The following CHURC1 variants were observed in gnomAD, a reference collection of about 807,000 sequenced individuals.
The protein encoded by CHURC1 is churchill domain containing 1, also known as protein Churchill.
Under a neutral mutation model 15.4 loss-of-function variants are expected in CHURC1, and 12 were observed. The ratio of observed to expected loss-of-function variants is 0.78; its 90% CI spans 0.50 to 1.27. The LOEUF (loss-of-function observed/expected upper bound fraction) is 1.27, where lower values mean the gene tolerates loss of function less well. Among genes scored for constraint, CHURC1 ranks in the 50% most tolerant of loss-of-function variants. The pLI is 0.00. For synonymous variants in CHURC1, 42 were observed against 47.5 expected (o/e 0.88, Z 0.48); for missense variants, 132 against 137.8 (o/e 0.96, Z 0.21).
intron 2 of CHURC1, among the ~76,000 whole-genome samples, chr14:64,925,696 C>CAAAAAA (rs3033506): frequency 0.029 from 1,885 of 65,726 alleles, 118 homozygotes; most frequent in South Asian, 0.097. Context: ...GACCCGGCCT[C>CAAAAAA]AAAAAAAAAA....
At position 64,935,053 on chromosome 14, in the gene CHURC1, A is replaced by G; in HGVS notation, c.*2823A>G. On this transcript the variant is annotated 3_prime_UTR_variant, in exon 4 of 4. Transcript: ENST00000549115. ...GAATTAGGGACATGGATGAAATTGG[A>G]AATCTTCATTCTCAGTAAACTATCG... The G allele has an allele frequency of 1.1e-6, 1 of 942,614 alleles. No individual in the cohort carries two copies. The highest frequency in any genetic ancestry group is 1.3e-6 in the Non-Finnish European group (1 of 791,202). The allele number at this position is 942,614 out of a possible 1,614,324, so 58.4% of individuals were successfully genotyped here.
chr14:64,914,614 C>T, intron 1 of CHURC1, 80 bp downstream of exon 1: 1 of 1,598,442 alleles, frequency 6.3e-7, no homozygotes, highest in Middle Eastern at 1.7e-4. Flanking sequence ...CCAGAGAGGC[C>T]GTACGTGGGG....
At chr14:64,926,170 G>T in intron 3 of CHURC1, 90 bp downstream of exon 3, 3 of 722,622 alleles carry the variant, frequency 4.2e-6, no homozygotes, top group Non-Finnish European at 6.3e-6. Context: ...GTTTTCATAA[G>T]TGAAGTGCAA....
At position 64,927,996 on chromosome 14, in the gene CHURC1, T is replaced by G. The variant is rs376105568; in HGVS notation, c.246+1916T>G. 3.3e-5 allele frequency among the ~76,000 whole-genome samples: 5 copies of G among 152,032 alleles called. No homozygotes were observed. The East Asian group carries it at 5.8e-4, about 18-fold the overall frequency. On this transcript the variant is annotated intron_variant, in intron 3 of 3. Coordinates refer to ENST00000549115, the MANE Select transcript of CHURC1 (RefSeq NM_001386928.1). ...ACAGTACAATATCCAAGCTCCTCAT[T>G]TCAAGGTTCTCACTGGACTGGCCCA...
rs537641757 is a variant in CHURC1 at position 64,914,626 on chromosome 14, G to A, written c.39+92G>A. 1.4e-4 allele frequency: 222 copies of A among 1,587,102 alleles called. No homozygotes were observed. The African/African-American group carries it at 2.6e-3, about 19-fold the overall frequency. ...TTCCCAGAGAGGCCGTACGTGGGGC[G>A]GACTCGGCCGCACTGCCGGTCCCGG... is the stretch of plus-strand genomic sequence containing the variant. On this transcript the variant is annotated intron_variant, in intron 1 of 3. Coordinates refer to ENST00000549115, the MANE Select transcript of CHURC1 (RefSeq NM_001386928.1).
chr14:64,920,672 T>G (rs1210249782), intron 1 of CHURC1, among the ~76,000 whole-genome samples: 1 of 152,272 alleles, frequency 6.6e-6, no homozygotes, highest in Non-Finnish European at 1.5e-5. Context: ...ATGGTCAGAT[T>G]ACAGAGGCTA....
At chr14:64,916,503 CAT>C (rs1473402447) in intron 1 of CHURC1, among the ~76,000 whole-genome samples, 3 of 152,152 alleles carry the variant, frequency 2.0e-5, no homozygotes, top group Non-Finnish European at 4.4e-5. Flanking sequence ...CAGTAATAAA[CAT>C]GAGCTATTAT....
At chr14:64,921,868 C>T (rs189235041) in intron 1 of CHURC1, among the ~76,000 whole-genome samples, 4 of 152,294 alleles carry the variant, frequency 2.6e-5, no homozygotes, top group Admixed American at 2.6e-4. Context: ...TTCATAATAG[C>T]CCCAAATGGA....
rs748019788 is a variant in CHURC1 at position 64,926,025 on chromosome 14, GTCA to G, written c.196_198del (p.His66del). 2 of 1,597,540 alleles carry G rather than the reference GTCA, an allele frequency of 1.3e-6. No individual in the cohort carries two copies. The highest frequency in any genetic ancestry group is 1.3e-5 in the African/African-American group (1 of 74,198). Reference sequence around the variant, plus strand: ...GTTTTAGCAGATTTGTGTAAGAATTGTCATCATGTAATAGCCAGACATGAGTAT... The same window carrying G: ...GTTTTAGCAGATTTGTGTAAGAATTGTCATGTAATAGCCAGACATGAGTAT... On this transcript the variant is annotated inframe_deletion, in exon 3 of 4. Transcript: ENST00000549115.
In CHURC1 at chr14:64,934,542, T is replaced by C. The variant is rs1385656217; in HGVS notation, c.*2312T>C. The stretch of plus-strand genomic sequence containing the variant: ...GGCATCTGGGCATGTCAGATGAAGA[T>C]TTATTATTCAGAAAAGTTAAGTCAG... On this transcript the variant is annotated 3_prime_UTR_variant, in exon 4 of 4. Coordinates refer to ENST00000549115, the MANE Select transcript of CHURC1 (RefSeq NM_001386928.1). The C allele has an allele frequency of 8.9e-5, 88 of 985,310 alleles. No individual in the cohort carries two copies. The highest frequency in any genetic ancestry group is 9.9e-5 in the Non-Finnish European group (82 of 829,928). 61.0% of individuals were successfully genotyped at this position (985,310 alleles called of 1,614,324 possible). A position where few individuals can be genotyped will look rare whatever the true frequency, so the allele number is the denominator to read the frequency against.
chr14:64,918,991 GGGCTCT>G (rs1884086775), intron 1 of CHURC1, among the ~76,000 whole-genome samples: 1 of 152,092 alleles, frequency 6.6e-6, no homozygotes, highest in Non-Finnish European at 1.5e-5. Flanking sequence ...ATTCTTAATG[GGGCTCT>G]GGCCTACTTG....
intron 1 of CHURC1, among the ~76,000 whole-genome samples, chr14:64,917,392 G>A (rs1335786401): frequency 6.6e-6 from 1 of 152,140 alleles, no homozygotes; most frequent in Non-Finnish European, 1.5e-5. Flanking sequence ...GCGAAACCCC[G>A]TCTCTACTAA....
rs1884526491 is a variant in CHURC1 at position 64,924,251 on chromosome 14, G to A, written c.175+125G>A. The A allele has an allele frequency of 3.5e-6, 4 of 1,147,994 alleles. No individual in the cohort carries two copies. In the South Asian group the frequency reaches 1.3e-4, roughly 36 times the overall value. 71.1% of individuals were successfully genotyped at this position (1,147,994 alleles called of 1,614,324 possible). A position where few individuals can be genotyped will look rare whatever the true frequency, so the allele number is the denominator to read the frequency against. On this transcript the variant is annotated intron_variant, in intron 2 of 3. Transcript: ENST00000549115. The stretch of plus-strand genomic sequence containing the variant: ...TATTGCGCACATAATTACTAGTTAG[G>A]TCTTTAAGAGGAAAATGTCATTAAC...
rs931854438 is a variant in CHURC1 at position 64,917,572 on chromosome 14, TAAAC to T, written c.39+3046_39+3049del. Among the ~76,000 whole-genome samples the T allele has an allele frequency of 9.9e-5, 15 of 151,454 alleles. 1 individual carries two copies. The highest frequency in any genetic ancestry group is 2.2e-4 in the African/African-American group (9 of 41,224). On this transcript the variant is annotated intron_variant, in intron 1 of 3. Transcript: ENST00000549115. ...GAGCAAAACTCCGTCTCAAAACAAA[TAAAC>T]AAACAAAAAAAAACCACCACAAATA...
chr14:64,930,603 C>G (rs1885028229), intron 3 of CHURC1, among the ~76,000 whole-genome samples: 1 of 152,098 alleles, frequency 6.6e-6, no homozygotes, highest in Admixed American at 6.5e-5. Context: ...AGGTTTTTTC[C>G]CCCTCCCAAG....
In CHURC1 at chr14:64,932,289, G is replaced by T; in HGVS notation, c.*59G>T. On this transcript the variant is annotated 3_prime_UTR_variant, in exon 4 of 4. Coordinates refer to ENST00000549115, the MANE Select transcript of CHURC1 (RefSeq NM_001386928.1). ...TGTTGGTTTACAATACAGCAAGCCT[G>T]ATGGTTTGTCTTATTTCATTCATAC... The T allele has an allele frequency of 6.3e-7, 1 of 1,577,824 alleles. No homozygotes were observed. The highest frequency in any genetic ancestry group is 8.6e-7 in the Non-Finnish European group (1 of 1,158,244).
chr14:64,930,437 G>T (rs1311819584), intron 3 of CHURC1, among the ~76,000 whole-genome samples: 1 of 152,134 alleles, frequency 6.6e-6, no homozygotes, highest in East Asian at 1.9e-4. Context: ...GGATTTTCCT[G>T]GGAACCTAAC....
intron 2 of CHURC1, among the ~76,000 whole-genome samples, chr14:64,925,793 T>C (rs1884652219): frequency 6.6e-6 from 1 of 150,492 alleles, no homozygotes; most frequent in South Asian, 2.1e-4. Flanking sequence ...TTGGTGGCAA[T>C]TAATAAAAGC....
intron 2 of CHURC1, among the ~76,000 whole-genome samples, 181 bp from the exon 3 acceptor site, chr14:64,925,829 T>C (rs1346805840): frequency 6.6e-6 from 1 of 152,040 alleles, no homozygotes; most frequent in Non-Finnish European, 1.5e-5. Flanking sequence ...TGTAACGTTG[T>C]TATGTGGCAG....
Sources: gnomAD v4.1 joint callset for allele counts (sites outside exome capture counted in the v4.1 genomes callset) on GRCh38, gnomAD v4.1.1 for gene constraint, MANE v1.5 for transcripts, NCBI Gene and HGNC (gene_info 2026-07-23, HGNC 2026-07-21) for gene names.